Variants in FLVCR1 observed in about 807,000 individuals in gnomAD.
The protein encoded by FLVCR1 is choline/ethanolamine transporter FLVCR1.
Under a neutral mutation model 53.6 loss-of-function variants are expected in FLVCR1, and 34 were observed. The ratio of observed to expected loss-of-function variants is 0.63; its 90% CI spans 0.48 to 0.84. The LOEUF (loss-of-function observed/expected upper bound fraction) is 0.84. Ranked by LOEUF, FLVCR1 falls within the 40% of genes least tolerant of loss-of-function variation. The pLI is 0.00. For missense variants in FLVCR1, 677 were observed against 696.7 expected, an observed-to-expected ratio of 0.97 and a Z score of 0.32; for synonymous variants, 300 against 286.3, an observed-to-expected ratio of 1.05 and a Z score of -0.48.
In FLVCR1 at chr1:212,858,579, A is replaced by C; in HGVS notation, c.127A>C (p.Lys43Gln). The C allele has an allele frequency of 1.3e-6, 2 of 1,498,510 alleles. No individual in the cohort carries two copies. Among genetic ancestry groups the C allele is most frequent in the Non-Finnish European group, 1.8e-6 (2 of 1,124,010 alleles). 92.8% of individuals were successfully genotyped at this position (1,498,510 alleles called of 1,614,324 possible). The change falls in exon 1 of 10, where the codon AAA (lysine) becomes CAA (glutamine). Residue 43 changes from lysine to glutamine, a missense_variant. Coordinates refer to ENST00000366971, the MANE Select transcript of FLVCR1 (RefSeq NM_014053.4). ...KESVELQNGP[K>Q]AGTFPVNGAP... is the part of the protein sequence containing the mutation. ...GAGCGTGGAGCTGCAGAACGGGCCC[A>C]AAGCGGGCACCTTCCCGGTGAATGG...
Position 212,858,742 on chromosome 1 carries a change from C to T in FLVCR1, c.290C>T (p.Pro97Leu), listed in dbSNP as rs752251054. 1.2e-5 allele frequency: 20 copies of T among 1,612,348 alleles called. No individual in the cohort carries two copies. The highest frequency in any genetic ancestry group is 5.3e-5 in the African/African-American group (4 of 74,918). ...GAGACCCCGGGGGCCGAGAGCAGCCCGCTGCCCCTTACGGCGCTCTCCCCG... is the reference window on the plus strand; with the variant it reads ...GAGACCCCGGGGGCCGAGAGCAGCCTGCTGCCCCTTACGGCGCTCTCCCCG... ...GAETPGAESS[P>L]LPLTALSPRR... The change falls in exon 1 of 10, where the codon CCG (proline) becomes CTG (leucine). Residue 97 changes from proline to leucine, a missense_variant. Transcript: ENST00000366971.
chr1:212,881,097 G>A (rs1044931534), intron 3 of FLVCR1, among the ~76,000 whole-genome samples: 7 of 152,128 alleles, frequency 4.6e-5, no homozygotes, highest in Non-Finnish European at 7.3e-5. Flanking sequence ...AAAACTTGAG[G>A]TTTTGCAGAA....
Position 212,880,795 on chromosome 1 carries a change from T to TTA in FLVCR1, c.1025-2576_1025-2575insTA, listed in dbSNP as rs1484008751. Among the ~76,000 whole-genome samples the TTA allele has an allele frequency of 1.5e-4, 22 of 142,116 alleles. No homozygotes were observed. The East Asian group carries it at 4.3e-3, about 28-fold the overall frequency. 93.2% of individuals were successfully genotyped at this position (142,116 alleles called of 152,430 possible). A position where few individuals can be genotyped will look rare whatever the true frequency, so the allele number is the denominator to read the frequency against. ...TGAGCAACAGAGTGAGACTCTTTAT[T>TTA]AAAAAAAAAAAAAAAAAAGAAGTCC... On this transcript the variant is annotated intron_variant, in intron 3 of 9. Transcript: ENST00000366971.
Position 212,863,771 on chromosome 1 carries a change from A to G in FLVCR1, c.785A>G (p.Asn262Ser), listed in dbSNP as rs547679833. 19 of 1,613,986 alleles carry G rather than the reference A, an allele frequency of 1.2e-5. No homozygotes were observed. Among genetic ancestry groups the G allele is most frequent in the East Asian group, 1.1e-4 (5 of 44,872 alleles). Reference sequence around the variant, plus strand: ...TTGCTACCACCAGTTTTAGTACCCAACACACAGAATGACACAAATCTCCTG... The same window carrying G: ...TTGCTACCACCAGTTTTAGTACCCAGCACACAGAATGACACAAATCTCCTG... ...GFLLPPVLVPNTQNDTNLLAC... is the reference protein window; with the variant it reads ...GFLLPPVLVPSTQNDTNLLAC... Residue 262 changes from asparagine to serine, a missense_variant, in exon 2 of 10, where the codon AAC becomes AGC. By Grantham distance (46) the Asn-to-Ser change is conservative. Coordinates refer to ENST00000366971, the MANE Select transcript of FLVCR1 (RefSeq NM_014053.4).
intron 5 of FLVCR1, among the ~76,000 whole-genome samples, chr1:212,887,492 G>A (rs1665088945): frequency 6.6e-6 from 1 of 152,196 alleles, no homozygotes; most frequent in Non-Finnish European, 1.5e-5. Context: ...AACTAAAATA[G>A]ATGTCATAAG....
intron 3 of FLVCR1, among the ~76,000 whole-genome samples, chr1:212,881,298 T>G (rs1182023635): frequency 9.2e-6 from 1 of 108,496 alleles, no homozygotes; most frequent in Non-Finnish European, 2.0e-5. Flanking sequence ...AGAATTTCTT[T>G]GTCTTTTTTT....
At chr1:212,868,917 G>C (rs1664522958) in intron 2 of FLVCR1, among the ~76,000 whole-genome samples, 2 of 152,242 alleles carry the variant, frequency 1.3e-5, no homozygotes, top group East Asian at 3.9e-4. Flanking sequence ...TTATCGATGA[G>C]AAAGCTGTAA....
Position 212,862,769 on chromosome 1 carries a change from C to A in FLVCR1, c.739-956C>A, listed in dbSNP as rs187434717. On this transcript the variant is annotated intron_variant, in intron 1 of 9. Coordinates refer to ENST00000366971, the MANE Select transcript of FLVCR1 (RefSeq NM_014053.4). The stretch of plus-strand genomic sequence containing the variant: ...ATTAAGGAACTGCCAAACTTGTCTG[C>A]AGTGGCTGCACCATTTTATAGTCCC... Among the ~76,000 whole-genome samples, 16 of 152,278 alleles carry A rather than the reference C, an allele frequency of 1.1e-4. 2 individuals are homozygous for A. Among genetic ancestry groups the A allele is most frequent in the Admixed American group, 1.0e-3 (16 of 15,286 alleles).
At chr1:212,891,135 G>A (rs907918687) in intron 8 of FLVCR1, among the ~76,000 whole-genome samples, 1 of 152,168 alleles carries the variant, frequency 6.6e-6, no homozygotes, top group Non-Finnish European at 1.5e-5. Context: ...TTGGCTGGAC[G>A]TGGTGGCTCA....
intron 3 of FLVCR1, among the ~76,000 whole-genome samples, chr1:212,879,914 A>C (rs1664875900): frequency 6.6e-6 from 1 of 151,852 alleles, no homozygotes; most frequent in Non-Finnish European, 1.5e-5. Flanking sequence ...TTACTATCCC[A>C]ACTGTTGCTG....
At chr1:212,870,197 G>C (rs928429987) in intron 2 of FLVCR1, 1 of 152,204 alleles carries the variant, frequency 6.6e-6, no homozygotes, top group Non-Finnish European at 1.5e-5. Flanking sequence ...AAATATTTAT[G>C]AGTTATATCT....
chr1:212,877,686 G>GTTTTTTTTTT (rs56783462), intron 3 of FLVCR1, among the ~76,000 whole-genome samples: 1 of 127,174 alleles, frequency 7.9e-6, no homozygotes, highest in Non-Finnish European at 1.6e-5. Context: ...TCTGATGATA[G>GTTTTTTTTTT]TTTTTTTTTT....
Position 212,898,345 on chromosome 1 carries a change from C to T in FLVCR1, c.*3055C>T, listed in dbSNP as rs1665393150. The T allele has an allele frequency of 6.6e-6, 1 of 152,104 alleles. No homozygotes were observed. Among genetic ancestry groups the T allele is most frequent in the Non-Finnish European group, 1.5e-5 (1 of 68,014 alleles). The allele number at this position is 152,104 out of a possible 1,614,324, so 9.4% of individuals were successfully genotyped here. Reference sequence around the variant, plus strand: ...GAGGGTAACTCAAGCAGAGTATGTCCAATCATTAGCTTCCTTTGATATTTA... The same window carrying T: ...GAGGGTAACTCAAGCAGAGTATGTCTAATCATTAGCTTCCTTTGATATTTA... On this transcript the variant is annotated 3_prime_UTR_variant, in exon 10 of 10. Transcript: ENST00000366971.
chr1:212,890,919 A>T (rs906716649), intron 8 of FLVCR1, among the ~76,000 whole-genome samples: 2 of 152,212 alleles, frequency 1.3e-5, no homozygotes, highest in Non-Finnish European at 2.9e-5. Flanking sequence ...TCACGAAGCT[A>T]AAAGAAAGTG....
At chr1:212,883,333 G>T (rs1346651080) in intron 3 of FLVCR1, 38 bp from the exon 4 acceptor site, 12 of 1,073,272 alleles carry the variant, frequency 1.1e-5, no homozygotes, top group Non-Finnish European at 1.4e-5. Flanking sequence ...ATTATTGTAG[G>T]TATCATGACT....
intron 3 of FLVCR1, among the ~76,000 whole-genome samples, chr1:212,876,983 A>G (rs1181739304): frequency 6.6e-6 from 1 of 152,092 alleles, no homozygotes; most frequent in African/African-American, 2.4e-5. Flanking sequence ...TTTCTCCACA[A>G]CCTTGCCAGC....
chr1:212,875,485 A>AT (rs1326808372), intron 3 of FLVCR1, among the ~76,000 whole-genome samples: 1 of 152,154 alleles, frequency 6.6e-6, no homozygotes, highest in Non-Finnish European at 1.5e-5. Context: ...AGGGTGTTAG[A>AT]TGGTGCCTTC....
rs185005973 is a variant in FLVCR1, at chr1:212,893,525, G to A, written c.1526-1461G>A. 1.2e-4 allele frequency among the ~76,000 whole-genome samples: 19 copies of A among 152,286 alleles called. No individual in the cohort carries two copies. The East Asian group carries it at 3.5e-3, about 28-fold the overall frequency. ...TCAACTCCTGTTTTGAGGAAGTTTTGTGGGTAAAATGTTATCAAACAAGTA... is the reference window on the plus strand; with the variant it reads ...TCAACTCCTGTTTTGAGGAAGTTTTATGGGTAAAATGTTATCAAACAAGTA... On this transcript the variant is annotated intron_variant, in intron 8 of 9. Transcript: ENST00000366971.
rs1665305857 is a variant in FLVCR1, at chr1:212,895,315, G to A, written c.*25G>A. ...AAGAGAAAGGCAAAGTTACTGTCCT[G>A]TAGTAATTGGGGACAATGTGATCAT... On this transcript the variant is annotated 3_prime_UTR_variant, in exon 10 of 10. Coordinates refer to ENST00000366971, the MANE Select transcript of FLVCR1 (RefSeq NM_014053.4). 1.9e-6 allele frequency: 3 copies of A among 1,544,580 alleles called. No homozygotes were observed. The highest frequency in any genetic ancestry group is 1.8e-6 in the Non-Finnish European group (2 of 1,116,364).
Sources: gnomAD v4.1 joint callset for allele counts (sites outside exome capture counted in the v4.1 genomes callset) on GRCh38, gnomAD v4.1.1 for gene constraint, MANE v1.5 for transcripts, NCBI Gene and HGNC (gene_info 2026-07-23, HGNC 2026-07-21) for gene names.